YJU2B: variants seen among roughly 807,000 people sequenced by gnomAD.
The protein encoded by YJU2B is probable splicing factor YJU2B.
YJU2B carries 18 observed loss-of-function variants against 38.0 expected under a neutral mutation model. The ratio of observed to expected loss-of-function variants is 0.47; its 90% CI spans 0.33 to 0.70. The LOEUF is 0.70. Among genes scored for constraint, YJU2B ranks in the 30% least tolerant of loss-of-function variants. YJU2B has a pLI of 0.02. For synonymous variants in YJU2B, 246 were observed against 225.4 expected (o/e 1.09, Z -0.82); for missense variants, 538 against 556.3 (o/e 0.97, Z 0.33).
chr19:13,745,646 C>CATAG (rs1555699801), upstream of YJU2B, among the ~76,000 whole-genome samples: 9,727 of 116,168 alleles, frequency 0.084, 564 homozygotes, highest in Admixed American at 0.1. Flanking sequence ...AGCAAAACTC[C>CATAG]ATAGATAGAT....
chr19:13,759,579 A>AC lies in YJU2B; in HGVS notation c.573+316dup, dbSNP rs3059652. On this transcript the variant is annotated intron_variant, in intron 8 of 9. Coordinates refer to ENST00000221554, the MANE Select transcript of YJU2B (RefSeq NM_030818.4). ...AGCCTGGGCAACATAGTGAGACACC[A>AC]CCCCCCCCCTCCCCCAGCATCTCTA... The AC allele has an allele frequency of 1.2e-3, 267 of 220,298 alleles. 1 individual carries two copies. The highest frequency in any genetic ancestry group is 5.6e-3 in the Middle Eastern group (4 of 720). 13.6% of individuals were successfully genotyped at this position (220,298 alleles called of 1,614,324 possible).
intron 2 of YJU2B, among the ~76,000 whole-genome samples, chr19:13,740,693 C>T (rs951528231): frequency 1.3e-5 from 2 of 152,022 alleles, no homozygotes; most frequent in African/African-American, 2.4e-5. Context: ...TGCGCCACCA[C>T]GCCCGGCTAA....
chr19:13,747,142 CCT>C (rs1568282201), upstream of YJU2B, among the ~76,000 whole-genome samples: 1 of 152,122 alleles, frequency 6.6e-6, no homozygotes, highest in African/African-American at 2.4e-5. Context: ...GGAAAGCATT[CCT>C]CTTTCTGTCT....
intron 2 of YJU2B, among the ~76,000 whole-genome samples, chr19:13,737,360 C>G (rs1220706413): frequency 6.6e-6 from 1 of 152,054 alleles, no homozygotes; most frequent in African/African-American, 2.4e-5. Context: ...GTTCTAGTGT[C>G]TTCAGTTTGG....
At chr19:13,746,849 G>A (rs1347526708), upstream of YJU2B, among the ~76,000 whole-genome samples, 1 of 152,090 alleles carries the variant, frequency 6.6e-6, no homozygotes, top group Non-Finnish European at 1.5e-5. Flanking sequence ...GGAGAGCGCA[G>A]TGAGCTGAGA....
intron 2 of YJU2B, among the ~76,000 whole-genome samples, chr19:13,738,892 C>CAAAAA (rs527948929): frequency 1.8e-5 from 1 of 55,454 alleles, no homozygotes; most frequent in Non-Finnish European, 3.6e-5. Flanking sequence ...GACTCTGTCT[C>CAAAAA]AAAAAAAAAA....
At chr19:13,745,714 G>GATAT (rs774614525), upstream of YJU2B, among the ~76,000 whole-genome samples, 2 of 120,992 alleles carry the variant, frequency 1.7e-5, no homozygotes, top group African/African-American at 6.6e-5. Flanking sequence ...GATATCTATA[G>GATAT]ATCTATAGAT....
chr19:13,754,206 AT>A, intron 2 of YJU2B, 82 bp from the exon 3 acceptor site: 6 of 1,117,664 alleles, frequency 5.4e-6, no homozygotes, highest in Non-Finnish European at 8.1e-6. Context: ...ATCAGAAAAA[AT>A]TTTTTTGAAT....
upstream of YJU2B, among the ~76,000 whole-genome samples, chr19:13,746,889 A>G (rs1298045217): frequency 6.6e-6 from 1 of 152,108 alleles, no homozygotes; most frequent in East Asian, 1.9e-4. Context: ...CCTGGACCAC[A>G]GAGCAAGACT....
At chr19:13,742,918 G>A (rs1331222272), upstream of YJU2B, among the ~76,000 whole-genome samples, 1 of 152,150 alleles carries the variant, frequency 6.6e-6, no homozygotes, top group South Asian at 2.1e-4. Flanking sequence ...CCTCCCTACA[G>A]CACACCCCCC....
At chr19:13,754,386 C>G in intron 3 of YJU2B, 44 bp downstream of exon 3, 1 of 1,503,886 alleles carries the variant, frequency 6.6e-7, no homozygotes, top group South Asian at 1.1e-5. Flanking sequence ...CAAAAAGACC[C>G]ACGTCATCCC....
intron 2 of YJU2B, among the ~76,000 whole-genome samples, chr19:13,741,151 CTTTTTTT>C (rs71170552): frequency 9.9e-6 from 1 of 100,846 alleles, no homozygotes; most frequent in Non-Finnish European, 2.0e-5. Context: ...TTATAGATTT[CTTTTTTT>C]TTTTTTTTTT....
In YJU2B at chr19:13,752,912, CA is replaced by C. The variant is rs36058954; in HGVS notation, c.3+1113del. ...TGCGTGACAGAGCAAGACTCTGTCT[CA>C]AAAAAAAAAAAGAAGAAAACAAGAG... On this transcript the variant is annotated intron_variant, in intron 2 of 9. Transcript: ENST00000221554. Among the ~76,000 whole-genome samples the C allele has an allele frequency of 1.5e-3, 197 of 133,884 alleles. 1 individual carries two copies. The highest frequency in any genetic ancestry group is 8.0e-3 in the South Asian group (29 of 3,610). The allele number at this position is 133,884 out of a possible 152,430, so 87.8% of individuals were successfully genotyped here.
chr19:13,735,921 G>T (rs1972931936), intron 2 of YJU2B, among the ~76,000 whole-genome samples: 1 of 151,850 alleles, frequency 6.6e-6, no homozygotes, highest in Non-Finnish European at 1.5e-5. Flanking sequence ...GCGTGGTGGG[G>T]GGCACCTGTA....
chr19:13,745,691 A>ATAGATAGATAGATAGATATC (rs1491305651), upstream of YJU2B, among the ~76,000 whole-genome samples: 8 of 58,724 alleles, frequency 1.4e-4, no homozygotes, highest in African/African-American at 5.3e-4. Flanking sequence ...AGATAGATAG[A>ATAGATAGATAGATAGATATC]TATAGATATA....
chr19:13,762,427 C>T lies in YJU2B; in HGVS notation c.702C>T (p.His234=). 6.2e-7 allele frequency: 1 copy of T among 1,612,928 alleles called. No homozygotes were observed. The highest frequency in any genetic ancestry group is 8.5e-7 in the Non-Finnish European group (1 of 1,179,940). The change falls in exon 9 of 10, where the codon CAC becomes CAT. Residue 234 remains histidine, a synonymous_variant. Transcript: ENST00000221554. The part of the protein sequence containing the change: ...DRKLAALLKF[H]TLDSYEDKQK... ...AGCTGGCGGCTCTGCTGAAGTTCCA[C>T]ACCCTGGACTGTGCGTAGGAGGCCA...
intron 2 of YJU2B, among the ~76,000 whole-genome samples, chr19:13,742,832 C>G (rs1430863903): frequency 3.9e-5 from 6 of 152,202 alleles, no homozygotes; most frequent in Non-Finnish European, 8.8e-5. Context: ...AGGGCTCAAG[C>G]AAAATCCAGA....
chr19:13,763,133 A>G lies in YJU2B; in HGVS notation c.*65A>G, dbSNP rs894189550. The G allele has an allele frequency of 7.3e-7, 1 of 1,361,594 alleles. No individual in the cohort carries two copies. Among genetic ancestry groups the G allele is most frequent in the East Asian group, 2.3e-5 (1 of 42,728 alleles). 84.3% of individuals were successfully genotyped at this position (1,361,594 alleles called of 1,614,324 possible). On this transcript the variant is annotated 3_prime_UTR_variant, in exon 10 of 10. Transcript: ENST00000221554. ...CGGACACACCCAGGAGGCCCCTCAC[A>G]GACTGCAGACCCCCGGCTCGCCCAC... is the stretch of plus-strand genomic sequence containing the variant.
upstream of YJU2B, among the ~76,000 whole-genome samples, chr19:13,746,980 G>A (rs1459278301): frequency 6.6e-6 from 1 of 152,086 alleles, no homozygotes; most frequent in Admixed American, 6.6e-5. Flanking sequence ...ACAAGTTATG[G>A]GAGGGTAAGG....
Sources: gnomAD v4.1 joint callset for allele counts (sites outside exome capture counted in the v4.1 genomes callset) on GRCh38, gnomAD v4.1.1 for gene constraint, MANE v1.5 for transcripts, NCBI Gene and HGNC (gene_info 2026-07-23, HGNC 2026-07-21) for gene names.